The following SHANK2 variants were observed in gnomAD, a reference collection of about 807,000 sequenced individuals.
SHANK2 encodes SH3 and multiple ankyrin repeat domains protein 2.
In SHANK2, 43 loss-of-function variants were observed where a neutral mutation model predicts 133.7. The observed-to-expected ratio is 0.32, with a 90% CI of 0.25 to 0.41. SHANK2 has a LOEUF of 0.41. SHANK2 is among the 10% of genes least tolerant of loss of function. SHANK2 has a pLI of 1.00. For synonymous variants in SHANK2, 1,017 were observed against 952.8 expected (o/e 1.07, Z -1.24); for missense variants, 1,994 against 2,235.8 (o/e 0.89, Z 2.18).
chr11:71,207,682 A>G (rs1555118198), intron 2 of SHANK2, among the ~76,000 whole-genome samples: 1 of 152,222 alleles, frequency 6.6e-6, no homozygotes, highest in Non-Finnish European at 1.5e-5. Flanking sequence ...ACAAATCGAC[A>G]GAGCAGGACA....
chr11:70,876,718 C>T (rs562525491), intron 11 of SHANK2, among the ~76,000 whole-genome samples: 35 of 152,236 alleles, frequency 2.3e-4, no homozygotes, highest in African/African-American at 8.4e-4. Flanking sequence ...CAGGTGACAA[C>T]ACTTCTAGGG....
chr11:70,495,470 TGGG>T (rs558856407), intron 21 of SHANK2, among the ~76,000 whole-genome samples: 24 of 152,184 alleles, frequency 1.6e-4, no homozygotes, highest in Non-Finnish European at 2.5e-4. Flanking sequence ...TCCCTGGAAA[TGGG>T]GGCGCTAGGC....
At chr11:70,921,587 G>A (rs1440520721) in intron 10 of SHANK2, among the ~76,000 whole-genome samples, 3 of 152,222 alleles carry the variant, frequency 2.0e-5, no homozygotes, top group Admixed American at 6.5e-5. Context: ...GTGAAAAAGC[G>A]AAGCATAAGA....
chr11:71,192,456 G>A (rs1389506832), intron 2 of SHANK2, among the ~76,000 whole-genome samples: 1 of 152,182 alleles, frequency 6.6e-6, no homozygotes, highest in Non-Finnish European at 1.5e-5. Flanking sequence ...CCACATTTGT[G>A]ATGCTTGTAC....
At chr11:70,939,133 G>T (rs1293926302) in intron 10 of SHANK2, among the ~76,000 whole-genome samples, 4 of 152,148 alleles carry the variant, frequency 2.6e-5, no homozygotes, top group African/African-American at 4.8e-5. Flanking sequence ...TGAGGACCAG[G>T]CTGTTCTTTC....
intron 25 of SHANK2, among the ~76,000 whole-genome samples, chr11:70,475,790 A>C (rs180866008): frequency 1.7e-3 from 263 of 152,306 alleles, no homozygotes; most frequent in Middle Eastern, 3.4e-3. Flanking sequence ...GTTACAAACC[A>C]GGCATCCCCA....
At chr11:71,234,681 G>T (rs1954802091) in intron 1 of SHANK2, among the ~76,000 whole-genome samples, 1 of 152,036 alleles carries the variant, frequency 6.6e-6, no homozygotes, top group Admixed American at 6.6e-5. Flanking sequence ...CCTGACCCCA[G>T]CCCCTTCCAT....
At chr11:70,515,799 G>C (rs1047320254) in intron 17 of SHANK2, among the ~76,000 whole-genome samples, 1 of 152,038 alleles carries the variant, frequency 6.6e-6, no homozygotes, top group African/African-American at 2.4e-5. Context: ...GCAACAGAGC[G>C]AGACCTGTCT....
chr11:70,473,594 A>T lies in SHANK2; in HGVS notation c.4980-155T>A, dbSNP rs1455991914. 1.9e-3 allele frequency: 889 copies of T among 476,456 alleles called. No individual in the cohort carries two copies. The highest frequency in any genetic ancestry group is 3.2e-3 in the East Asian group (61 of 19,062). The allele number at this position is 476,456 out of a possible 1,614,324, so 29.5% of individuals were successfully genotyped here. On this transcript the variant is annotated intron_variant, in intron 25 of 25. Transcript: ENST00000601538. The surrounding 1 kb of genome is among the most constrained non-coding windows in gnomAD (Gnocchi z 5.9). ...CAGTGAACGAATGATTTGCCATGCC[A>T]GGGTGGGGGAGGGGGAGAAAGGGGC...
intron 3 of SHANK2, among the ~76,000 whole-genome samples, chr11:71,126,043 C>T (rs1555102576): frequency 6.6e-6 from 1 of 151,834 alleles, no homozygotes; most frequent in Non-Finnish European, 1.5e-5. Flanking sequence ...CATGGTGGAA[C>T]CCCAACTCTA....
At chr11:71,072,134 A>T (rs1480059693) in intron 9 of SHANK2, among the ~76,000 whole-genome samples, 6 of 152,184 alleles carry the variant, frequency 3.9e-5, no homozygotes, top group Admixed American at 3.9e-4. Flanking sequence ...AGCACCAAGG[A>T]AACAGAGAAA....
intron 3 of SHANK2, among the ~76,000 whole-genome samples, chr11:71,138,137 C>T (rs1303896800): frequency 7.9e-5 from 5 of 63,288 alleles, no homozygotes; most frequent in African/African-American, 1.6e-4. Flanking sequence ...CTGCACCAGC[C>T]GCCCAGAGCC....
chr11:71,061,971 CTTTTTTTTTTT>C (rs1216736346), intron 9 of SHANK2, among the ~76,000 whole-genome samples: 4 of 109,574 alleles, frequency 3.7e-5, no homozygotes, highest in South Asian at 6.7e-4. Context: ...GTCTTTCTTT[CTTTTTTTTTTT>C]TTTTTTTTTT....
chr11:71,197,943 G>C (rs77817272), intron 2 of SHANK2, among the ~76,000 whole-genome samples: 4,635 of 152,218 alleles, frequency 0.03, 105 homozygotes, highest in African/African-American at 0.062. Flanking sequence ...CGGGCACCCT[G>C]GTCACAAACT....
At chr11:70,559,330 A>AT (rs1333316623) in intron 17 of SHANK2, among the ~76,000 whole-genome samples, 10 of 151,908 alleles carry the variant, frequency 6.6e-5, no homozygotes, top group East Asian at 1.9e-4. Context: ...CATAGACCCT[A>AT]TTTTTTTTAG....
At chr11:71,058,114 C>G (rs961883384) in intron 9 of SHANK2, among the ~76,000 whole-genome samples, 4 of 152,074 alleles carry the variant, frequency 2.6e-5, no homozygotes, top group South Asian at 4.2e-4. Flanking sequence ...AGGCTGGTCT[C>G]AAACTCCTGG....
chr11:71,157,102 A>G (rs1208396740), intron 2 of SHANK2, among the ~76,000 whole-genome samples: 3 of 152,214 alleles, frequency 2.0e-5, no homozygotes, highest in African/African-American at 7.2e-5. Context: ...GTACCCTAGA[A>G]CTTAAAGTAT....
At chr11:71,204,627 T>C (rs1591017624) in intron 2 of SHANK2, among the ~76,000 whole-genome samples, 1 of 152,140 alleles carries the variant, frequency 6.6e-6, no homozygotes, top group Non-Finnish European at 1.5e-5. Context: ...TAGGGGAAGA[T>C]AGGGTTTCTG....
At chr11:70,919,628 C>T (rs4980656) in intron 10 of SHANK2, among the ~76,000 whole-genome samples, 95,676 of 152,092 alleles carry the variant, frequency 0.63, 35,070 homozygotes, top group Non-Finnish European at 0.79. Flanking sequence ...GTGATCCACC[C>T]GCCTTGACCT....
Sources: gnomAD v4.1 joint callset for allele counts (sites outside exome capture counted in the v4.1 genomes callset) on GRCh38, gnomAD v4.1.1 for gene constraint, Gnocchi (gnomAD v3.1) non-coding constraint, MANE v1.5 for transcripts, NCBI Gene and HGNC (gene_info 2026-07-23, HGNC 2026-07-21) for gene names.